The following PCDH1 variants were observed in gnomAD, a reference collection of about 807,000 sequenced individuals.
PCDH1 encodes protocadherin 1, also known as protocadherin-1.
PCDH1 carries 23 observed loss-of-function variants against 74.6 expected under a neutral mutation model. The observed-to-expected ratio is 0.31, with a 90% CI of 0.22 to 0.44. PCDH1 has a LOEUF of 0.44. Ranked by LOEUF, PCDH1 falls within the 20% of genes least tolerant of loss-of-function variation. The pLI is 1.00. For synonymous variants in PCDH1, 647 were observed against 686.1 expected (o/e 0.94, Z 0.89); for missense variants, 1,214 against 1,641.4 (o/e 0.74, Z 4.50).
rs1310222287 is a variant in PCDH1 at position 141,854,403 on chromosome 5, C to A, written c.3353G>T (p.Gly1118Val). 6.8e-6 allele frequency: 11 copies of A among 1,612,344 alleles called. No homozygotes were observed. The highest frequency in any genetic ancestry group is 8.5e-6 in the Non-Finnish European group (10 of 1,179,400). ...LRPLPDVAMT[G>V]TCTRECSEFG... Reference sequence around the variant, plus strand: ...CTCACTGCACTCCCGGGTACATGTGCCTGTCATGGCGACATCAGGCAAAGG... The same window carrying A: ...CTCACTGCACTCCCGGGTACATGTGACTGTCATGGCGACATCAGGCAAAGG... The change falls in exon 5 of 5, where the codon GGC becomes GTC. Residue 1118 changes from glycine (G) to valine (V), a missense_variant. Physicochemically the swap from Gly to Val is moderately radical, Grantham distance 109. Transcript: ENST00000287008.
Position 141,863,897 on chromosome 5 carries a change from C to T in PCDH1, c.2434G>A (p.Val812Ile), listed in dbSNP as rs1162060791. 2.5e-6 allele frequency: 4 copies of T among 1,614,038 alleles called. No homozygotes were observed. Among genetic ancestry groups the T allele is most frequent in the African/African-American group, 2.7e-5 (2 of 74,922 alleles). ...RYGTALVHLY[V>I]NETLANRTLL... ...GTGCGGTTGGCCAGAGTCTCATTGA[C>T]ATAAAGATGGACCAAGGCTGTGCCA... is the stretch of plus-strand genomic sequence containing the variant. The change falls in exon 3 of 5, where the codon GTC (valine) becomes ATC (isoleucine). Residue 812 changes from valine to isoleucine, a missense_variant. By Grantham distance (29) the Val-to-Ile change is conservative. This residue lies in a region of PCDH1 where 836 missense variants were observed against 1,182.2 expected (regional missense o/e 0.71). Transcript: ENST00000287008. The surrounding 1 kb of genome is among the most constrained non-coding windows in gnomAD (Gnocchi z 7.5).
chr5:141,869,661 T>C lies in PCDH1; in HGVS notation c.41-230A>G, dbSNP rs1754921543. 5.9e-6 allele frequency: 9 copies of C among 1,531,484 alleles called. No homozygotes were observed. The highest frequency in any genetic ancestry group is 7.9e-6 in the Non-Finnish European group (9 of 1,144,644). The allele number at this position is 1,531,484 out of a possible 1,614,324, so 94.9% of individuals were successfully genotyped here. ...CAGCTGGAGGAGCCAGTAAGAGGCC[T>C]GGCATGCCTAGAGCAGCTCCCGCCC... On this transcript the variant is annotated intron_variant, in intron 1 of 4. Transcript: ENST00000287008. The surrounding 1 kb of genome is among the most constrained non-coding windows in gnomAD (Gnocchi z 4.9).
chr5:141,873,705 G>A (rs1753153516), intron 1 of PCDH1, among the ~76,000 whole-genome samples: 1 of 149,518 alleles, frequency 6.7e-6, no homozygotes, highest in Admixed American at 6.7e-5. Flanking sequence ...TGATCCTCCT[G>A]CGTCAGCCTC....
At chr5:141,870,903 C>A (rs1478164122) in intron 1 of PCDH1, among the ~76,000 whole-genome samples, 5 of 152,132 alleles carry the variant, frequency 3.3e-5, no homozygotes, top group Admixed American at 3.3e-4. Context: ...ATACCTTCCC[C>A]ACACCTGGAA....
chr5:141,867,045 A>G (rs1752874514), intron 2 of PCDH1, among the ~76,000 whole-genome samples: 1 of 152,152 alleles, frequency 6.6e-6, no homozygotes, highest in Admixed American at 6.5e-5. Context: ...CCAAACCCTA[A>G]CAGTTTCTCC....
At chr5:141,858,613 A>C (rs1752450360) in intron 3 of PCDH1, among the ~76,000 whole-genome samples, 1 of 152,086 alleles carries the variant, frequency 6.6e-6, no homozygotes, top group Non-Finnish European at 1.5e-5. Context: ...GGCAATCTCA[A>C]CTTGGCACTT....
rs1752745539 is a variant in PCDH1, at chr5:141,864,804, A to G, written c.1527T>C (p.Ser509=). 1 of 1,613,916 alleles carries G rather than the reference A, an allele frequency of 6.2e-7. No homozygotes were observed. The highest frequency in any genetic ancestry group is 8.5e-7 in the Non-Finnish European group (1 of 1,179,982). The change falls in exon 3 of 5, where the codon AGT becomes AGC. Residue 509 remains serine (S), a synonymous_variant. Transcript: ENST00000287008. The surrounding 1 kb of genome is among the most constrained non-coding windows in gnomAD (Gnocchi z 5.9). ...TTTCCGGGAAGGCGACCTCAGTGAC[A>G]CTCTGAGTGAAGACAGGTGCGTTGT... ...VNDNAPVFTQ[S]VTEVAFPENN...
rs1377792735 is a variant in PCDH1, at chr5:141,869,805, C to T, written c.41-374G>A. 1 of 985,296 alleles carries T rather than the reference C, an allele frequency of 1.0e-6. No homozygotes were observed. The highest frequency in any genetic ancestry group is 1.2e-6 in the Non-Finnish European group (1 of 829,914). 61.0% of individuals were successfully genotyped at this position (985,296 alleles called of 1,614,324 possible). Reference sequence around the variant, plus strand: ...TCACCCAACACCTCCTTCTCACGAGCATCCTGCCTTAGTCACCGATGGTAA... The same window carrying T: ...TCACCCAACACCTCCTTCTCACGAGTATCCTGCCTTAGTCACCGATGGTAA... On this transcript the variant is annotated intron_variant, in intron 1 of 4. Transcript: ENST00000287008. The surrounding 1 kb of genome is among the most constrained non-coding windows in gnomAD (Gnocchi z 4.9).
At chr5:141,856,370 C>G (rs929087780) in intron 4 of PCDH1, 1 of 54,300 alleles carries the variant, frequency 1.8e-5, no homozygotes, top group African/African-American at 1.7e-4. Context: ...AGACAAGGGC[C>G]CGGGAGGTTA....
intron 4 of PCDH1, among the ~76,000 whole-genome samples, chr5:141,855,155 G>A (rs1010655676): frequency 6.6e-6 from 1 of 151,106 alleles, no homozygotes; most frequent in Non-Finnish European, 1.5e-5. Flanking sequence ...ATATTTTTTT[G>A]TAGAGATGGG....
chr5:141,856,309 A>C, intron 4 of PCDH1: 109 of 667,480 alleles, frequency 1.6e-4, no homozygotes, highest in Non-Finnish European at 2.5e-4. Flanking sequence ...TCGCGCATGG[A>C]GGGGCGGGGT....
In PCDH1 at chr5:141,854,788, C is replaced by T. The variant is rs989151726; in HGVS notation, c.3320-352G>A. 2.6e-5 allele frequency among the ~76,000 whole-genome samples: 4 copies of T among 152,138 alleles called. No homozygotes were observed. The South Asian group carries it at 6.2e-4, about 24-fold the overall frequency. On this transcript the variant is annotated intron_variant, in intron 4 of 4. Transcript: ENST00000287008. Reference sequence around the variant, plus strand: ...CCGGGTTCAAGCAATTCTTTTGCCTCAGCCTCCCGAGTAGCTGGGATTACA... The same window carrying T: ...CCGGGTTCAAGCAATTCTTTTGCCTTAGCCTCCCGAGTAGCTGGGATTACA...
At chr5:141,855,139 T>C (rs1031806856) in intron 4 of PCDH1, among the ~76,000 whole-genome samples, 1 of 151,768 alleles carries the variant, frequency 6.6e-6, no homozygotes, top group Non-Finnish European at 1.5e-5. Flanking sequence ...GCCTGGCTAA[T>C]TTTTTATATT....
chr5:141,855,430 G>A (rs1222739846), intron 4 of PCDH1, among the ~76,000 whole-genome samples: 1 of 152,066 alleles, frequency 6.6e-6, no homozygotes, highest in Non-Finnish European at 1.5e-5. Context: ...CTCAGGTGGG[G>A]TTGAGGAAAC....
chr5:141,868,653 G>T lies in PCDH1; in HGVS notation c.819C>A (p.Thr273=). The T allele has an allele frequency of 6.2e-7, 1 of 1,607,292 alleles. No homozygotes were observed. Among genetic ancestry groups the T allele is most frequent in the Non-Finnish European group, 8.5e-7 (1 of 1,175,918 alleles). The part of the protein sequence containing the change: ...SALLRVTVLD[T]NDNAPKFERP... The stretch of plus-strand genomic sequence containing the variant: ...GCTCAAACTTGGGGGCGTTGTCATT[G>T]GTGTCAAGCACGGTGACACGCAGCA... The change falls in exon 2 of 5, where the codon ACC becomes ACA. Residue 273 remains threonine, a synonymous_variant. Coordinates refer to ENST00000287008, the MANE Select transcript of PCDH1 (RefSeq NM_032420.5). The surrounding 1 kb of genome is among the most constrained non-coding windows in gnomAD (Gnocchi z 4.8).
At position 141,869,322 on chromosome 5, in the gene PCDH1, CAGCAGGAGCAGCAGTGCT is replaced by C. The variant is rs1401996531; in HGVS notation, c.132_149del (p.Leu46_Ala51del). ...GAGTGGCGTGGCCTGGGGATGGAGC[CAGCAGGAGCAGCAGTGCT>C]AGCAGCATGGAGGGCAGCAGTAGCC... On this transcript the variant is annotated inframe_deletion, in exon 2 of 5. Coordinates refer to ENST00000287008, the MANE Select transcript of PCDH1 (RefSeq NM_032420.5). The surrounding 1 kb of genome is among the most constrained non-coding windows in gnomAD (Gnocchi z 4.9). 6.3e-7 allele frequency: 1 copy of C among 1,598,102 alleles called. No homozygotes were observed. The highest frequency in any genetic ancestry group is 1.3e-5 in the African/African-American group (1 of 74,802).
At position 141,868,701 on chromosome 5, in the gene PCDH1, G is replaced by A. The variant is rs911105640; in HGVS notation, c.771C>T (p.Ser257=). The A allele has an allele frequency of 2.5e-6, 4 of 1,613,794 alleles. No homozygotes were observed. Among genetic ancestry groups the A allele is most frequent in the Non-Finnish European group, 3.4e-6 (4 of 1,179,872 alleles). The stretch of plus-strand genomic sequence containing the variant: ...GCAGGGCACTGCTGGCGCGTGGGGG[G>A]CTGCCGCCATCCTGCACCTTGATGG... The part of the protein sequence containing the change: ...DLTIKVQDGG[S]PPRASSALLR... The change falls in exon 2 of 5, where the codon AGC becomes AGT. Residue 257 remains serine, a synonymous_variant. Transcript: ENST00000287008. The surrounding 1 kb of genome is among the most constrained non-coding windows in gnomAD (Gnocchi z 4.8).
intron 1 of PCDH1, among the ~76,000 whole-genome samples, chr5:141,871,327 G>A (rs760173892): frequency 9.8e-5 from 15 of 152,326 alleles, no homozygotes; most frequent in Non-Finnish European, 2.1e-4. Flanking sequence ...AAACAAGACT[G>A]GTCCAATCTG....
chr5:141,876,191 C>T (rs1243335269), intron 1 of PCDH1, among the ~76,000 whole-genome samples: 2 of 152,206 alleles, frequency 1.3e-5, no homozygotes, highest in African/African-American at 4.8e-5. Flanking sequence ...CGGCCCCACC[C>T]CCACCCCGGC....
Sources: gnomAD v4.1 joint callset for allele counts (sites outside exome capture counted in the v4.1 genomes callset) on GRCh38, gnomAD v4.1.1 for gene constraint, gnomAD v4.1.1 regional missense constraint, Gnocchi (gnomAD v3.1) non-coding constraint, MANE v1.5 for transcripts, NCBI Gene and HGNC (gene_info 2026-07-23, HGNC 2026-07-21) for gene names.